Variants in CACNA1D observed in about 807,000 individuals in gnomAD.
The protein encoded by CACNA1D is calcium voltage-gated channel subunit alpha1 D, also known as voltage-dependent L-type calcium channel subunit alpha-1D.
In CACNA1D, 55 loss-of-function variants were observed where a neutral mutation model predicts 257.1. That is an observed-to-expected ratio of 0.21 (90% CI 0.17 to 0.27). The LOEUF (loss-of-function observed/expected upper bound fraction) is 0.27. CACNA1D is among the 10% of genes least tolerant of loss of function. CACNA1D has a pLI of 1.00. For synonymous variants in CACNA1D, 980 were observed against 1,014.9 expected (o/e 0.97, Z 0.65); for missense variants, 1,876 against 2,784.0 (o/e 0.67, Z 7.34).
chr3:53,732,740 A>C (rs972878529), intron 18 of CACNA1D, 75 bp from the exon 19 acceptor site: 2 of 1,390,624 alleles, frequency 1.4e-6, no homozygotes, highest in Admixed American at 1.7e-5. Flanking sequence ...CCAAATTTGC[A>C]TGTGAAATTA....
Position 53,800,191 on chromosome 3 carries a change from A to G in CACNA1D, c.4924-58A>G, listed in dbSNP as rs761637363. 4.9e-6 allele frequency: 6 copies of G among 1,231,826 alleles called. No individual in the cohort carries two copies. The highest frequency in any genetic ancestry group is 7.2e-6 in the Non-Finnish European group (6 of 830,844). The allele number at this position is 1,231,826 out of a possible 1,614,324, so 76.3% of individuals were successfully genotyped here. A position where few individuals can be genotyped will look rare whatever the true frequency, so the allele number is the denominator to read the frequency against. ...TCAGGAAGGAGCAAAGCCAGGACCC[A>G]GGCTGGCCCCAGGGCCCATGTGTGG... On this transcript the variant is annotated intron_variant, in intron 40 of 47. Coordinates refer to ENST00000350061, the MANE Select transcript of CACNA1D (RefSeq NM_001128840.3). The surrounding 1 kb of genome is among the most constrained non-coding windows in gnomAD (Gnocchi z 4.3).
At chr3:53,538,901 A>G (rs1201044968) in intron 3 of CACNA1D, among the ~76,000 whole-genome samples, 1 of 152,210 alleles carries the variant, frequency 6.6e-6, no homozygotes, top group Non-Finnish European at 1.5e-5. Context: ...GTAGCCTCAA[A>G]AAAGAACACA....
chr3:53,612,065 T>TA (rs1364327278), intron 3 of CACNA1D, among the ~76,000 whole-genome samples: 1 of 152,202 alleles, frequency 6.6e-6, no homozygotes, highest in Non-Finnish European at 1.5e-5. Context: ...TCATTTGATT[T>TA]AAAAAAATAT....
chr3:53,535,347 G>C (rs1041946152), intron 3 of CACNA1D, among the ~76,000 whole-genome samples: 2 of 152,190 alleles, frequency 1.3e-5, no homozygotes, highest in African/African-American at 2.4e-5. Context: ...CCATCTGCAA[G>C]GTATCTGGAG....
intron 6 of CACNA1D, 25 bp downstream of exon 6, chr3:53,665,837 C>G: frequency 1.2e-6 from 2 of 1,600,114 alleles, no homozygotes; most frequent in Non-Finnish European, 1.7e-6. Context: ...TTGTAGCTAA[C>G]TTAACTTTAA....
intron 3 of CACNA1D, among the ~76,000 whole-genome samples, chr3:53,562,798 G>A (rs1407605843): frequency 3.3e-5 from 5 of 152,120 alleles, no homozygotes; most frequent in Non-Finnish European, 5.9e-5. Flanking sequence ...AAATATACCC[G>A]GCTGCAGAAG....
intron 3 of CACNA1D, among the ~76,000 whole-genome samples, chr3:53,564,359 C>T (rs1339875332): frequency 1.3e-5 from 2 of 152,092 alleles, no homozygotes; most frequent in African/African-American, 4.8e-5. Flanking sequence ...CAGGGTTTCC[C>T]CATGTTGGCC....
chr3:53,759,389 C>T (rs1247180579), intron 29 of CACNA1D, among the ~76,000 whole-genome samples: 1 of 152,220 alleles, frequency 6.6e-6, no homozygotes, highest in Non-Finnish European at 1.5e-5. Flanking sequence ...GCCTCCAGCA[C>T]CCATGTGGTG....
chr3:53,793,971 T>C lies in CACNA1D; in HGVS notation c.4924-6278T>C, dbSNP rs1459161809. On this transcript the variant is annotated intron_variant, in intron 40 of 47. Coordinates refer to ENST00000350061, the MANE Select transcript of CACNA1D (RefSeq NM_001128840.3). The surrounding 1 kb of genome is among the most constrained non-coding windows in gnomAD (Gnocchi z 4.1). ...TAGGCTAAACTCTTCAGCTCCTGGA[T>C]AGAAGATGAGAGGCAGGCCAGTATA... 6.6e-6 allele frequency among the ~76,000 whole-genome samples: 1 copy of C among 152,194 alleles called. No homozygotes were observed. Among genetic ancestry groups the C allele is most frequent in the East Asian group, 1.9e-4 (1 of 5,200 alleles).
chr3:53,647,761 G>A (rs181992552), intron 3 of CACNA1D, among the ~76,000 whole-genome samples: 5 of 152,316 alleles, frequency 3.3e-5, no homozygotes, highest in Admixed American at 6.5e-5. Flanking sequence ...CCTTTTTAGT[G>A]GCAGGATTGA....
At chr3:53,507,158 A>C (rs1223725071) in intron 3 of CACNA1D, among the ~76,000 whole-genome samples, 1 of 151,984 alleles carries the variant, frequency 6.6e-6, no homozygotes, top group Non-Finnish European at 1.5e-5. Context: ...TCGTGTAGTA[A>C]AACTTTACCC....
chr3:53,690,839 G>A (rs2094512833), intron 8 of CACNA1D, among the ~76,000 whole-genome samples: 1 of 152,188 alleles, frequency 6.6e-6, no homozygotes, highest in African/African-American at 2.4e-5. Flanking sequence ...CCTTCACACA[G>A]CAAACTGTAG....
chr3:53,761,931 T>C (rs541474028), intron 29 of CACNA1D, 67 bp from the exon 30 acceptor site: 2 of 1,137,022 alleles, frequency 1.8e-6, no homozygotes, highest in Non-Finnish European at 1.3e-6. Context: ...GATTCGCCCC[T>C]ATACGGTCCG....
intron 21 of CACNA1D, 77 bp downstream of exon 21, chr3:53,740,416 C>T: frequency 1.0e-6 from 1 of 973,816 alleles, no homozygotes; most frequent in Admixed American, 1.7e-5. Flanking sequence ...GTTTGCCTTC[C>T]AGATGCTAGG....
intron 3 of CACNA1D, among the ~76,000 whole-genome samples, chr3:53,571,479 G>A (rs774730243): frequency 1.3e-5 from 2 of 152,132 alleles, no homozygotes; most frequent in Non-Finnish European, 2.9e-5. Context: ...TTACTTGGCA[G>A]CCATAGCTGT....
At chr3:53,802,003 C>T in intron 42 of CACNA1D, 144 bp from the exon 43 acceptor site, 4 of 778,328 alleles carry the variant, frequency 5.1e-6, no homozygotes, top group Non-Finnish European at 7.1e-6. Flanking sequence ...TCATACAAGG[C>T]CAGGTGGCAG....
At position 53,652,170 on chromosome 3, in the gene CACNA1D, G is replaced by T. The variant is rs114247202; in HGVS notation, c.623+1252G>T. Among the ~76,000 whole-genome samples, 531 of 152,266 alleles carry T rather than the reference G, an allele frequency of 3.5e-3. 7 individuals are homozygous for T. The highest frequency in any genetic ancestry group is 0.012 in the African/African-American group (505 of 41,544). ...AAGCCGAAGCCTTGCAGGTATGTTG[G>T]TTCTGGGATAATCTGGCTGTGCCTC... On this transcript the variant is annotated intron_variant, in intron 4 of 47. Transcript: ENST00000350061.
chr3:53,544,095 C>G (rs1160843030), intron 3 of CACNA1D, among the ~76,000 whole-genome samples: 2 of 152,074 alleles, frequency 1.3e-5, no homozygotes, highest in South Asian at 4.2e-4. Context: ...TGAGGACATA[C>G]AAATCATAAT....
intron 3 of CACNA1D, among the ~76,000 whole-genome samples, chr3:53,590,652 G>A (rs1396718042): frequency 6.6e-6 from 1 of 152,206 alleles, no homozygotes; most frequent in African/African-American, 2.4e-5. Flanking sequence ...TGGAGAGTCA[G>A]TACAGAGTAT....
Sources: gnomAD v4.1 joint callset for allele counts (sites outside exome capture counted in the v4.1 genomes callset) on GRCh38, gnomAD v4.1.1 for gene constraint, Gnocchi (gnomAD v3.1) non-coding constraint, MANE v1.5 for transcripts, NCBI Gene and HGNC (gene_info 2026-07-23, HGNC 2026-07-21) for gene names.